ALOX5AP: variants seen among roughly 807,000 people sequenced by gnomAD.
The protein encoded by ALOX5AP is arachidonate 5-lipoxygenase activating protein.
Under a neutral mutation model 18.5 loss-of-function variants are expected in ALOX5AP, and 9 were observed. The observed-to-expected ratio is 0.49, with a 90% CI of 0.29 to 0.85. ALOX5AP has a LOEUF of 0.85. Among genes scored for constraint, ALOX5AP ranks in the 40% least tolerant of loss-of-function variants. ALOX5AP has a pLI of 0.08. For missense variants in ALOX5AP, 172 were observed against 202.5 expected (o/e 0.85, Z 0.91); for synonymous variants, 81 against 78.6 (o/e 1.03, Z -0.16).
intron 1 of ALOX5AP, among the ~76,000 whole-genome samples, chr13:30,726,686 A>G (rs945899113): frequency 1.3e-5 from 2 of 152,134 alleles, no homozygotes; most frequent in Non-Finnish European, 2.9e-5. Context: ...TGCATATATT[A>G]ACCAGTTTAT....
At chr13:30,739,197 T>C (rs1488421815) in intron 1 of ALOX5AP, among the ~76,000 whole-genome samples, 1 of 152,196 alleles carries the variant, frequency 6.6e-6, no homozygotes, top group African/African-American at 2.4e-5. Flanking sequence ...AAGCTTGCGT[T>C]GTGTGAAGAA....
intron 2 of ALOX5AP, among the ~76,000 whole-genome samples, chr13:30,749,577 TG>T (rs1463556805): frequency 6.6e-6 from 1 of 152,220 alleles, no homozygotes; most frequent in African/African-American, 2.4e-5. Context: ...AATTGTTACT[TG>T]GGGACCTGTT....
At chr13:30,724,224 C>G (rs1951619015) in intron 1 of ALOX5AP, among the ~76,000 whole-genome samples, 1 of 152,182 alleles carries the variant, frequency 6.6e-6, no homozygotes. Context: ...TCTTCTTCTG[C>G]TCAGTGTAAT....
intron 1 of ALOX5AP, among the ~76,000 whole-genome samples, chr13:30,727,171 A>T (rs548756817): frequency 2.0e-5 from 3 of 151,852 alleles, no homozygotes; most frequent in South Asian, 4.1e-4. Context: ...CTCCAGCCTC[A>T]GCCTCCAGAG....
intron 1 of ALOX5AP, among the ~76,000 whole-genome samples, chr13:30,736,505 A>AG (rs1951723038): frequency 6.6e-6 from 1 of 152,230 alleles, no homozygotes; most frequent in African/African-American, 2.4e-5. Flanking sequence ...ATTAAGATAG[A>AG]GAAAAAAAGA....
intron 1 of ALOX5AP, among the ~76,000 whole-genome samples, chr13:30,714,234 C>T (rs2137780663): frequency 6.8e-6 from 1 of 146,864 alleles, no homozygotes; most frequent in East Asian, 2.0e-4. Flanking sequence ...AAGGCCTGAG[C>T]TGAGTGCTCA....
At position 30,752,250 on chromosome 13, in the gene ALOX5AP, T is replaced by C. The variant is rs571778895; in HGVS notation, c.241+128T>C. The stretch of plus-strand genomic sequence containing the variant: ...TCCCATCTGTGAAGCCCTGGAGAGG[T>C]GAGAGCCCTCGGGAGGCCGTGTTTC... On this transcript the variant is annotated intron_variant, in intron 3 of 4. Coordinates refer to ENST00000380490, the MANE Select transcript of ALOX5AP (RefSeq NM_001629.4). 79 of 934,212 alleles carry C rather than the reference T, an allele frequency of 8.5e-5. No individual in the cohort carries two copies. The African/African-American group carries it at 1.1e-3, about 14-fold the overall frequency. 57.9% of individuals were successfully genotyped at this position (934,212 alleles called of 1,614,324 possible). A position where few individuals can be genotyped will look rare whatever the true frequency, so the allele number is the denominator to read the frequency against.
At chr13:30,761,576 C>T (rs568502804) in intron 4 of ALOX5AP, among the ~76,000 whole-genome samples, 1 of 152,318 alleles carries the variant, frequency 6.6e-6, no homozygotes, top group African/African-American at 2.4e-5. Flanking sequence ...GGACTCTGTA[C>T]TCATCTGCTG....
chr13:30,720,092 C>T (rs1226229911), intron 1 of ALOX5AP, among the ~76,000 whole-genome samples: 1 of 152,170 alleles, frequency 6.6e-6, no homozygotes, highest in Non-Finnish European at 1.5e-5. Flanking sequence ...GATCTCTTGA[C>T]CTCATGATCC....
chr13:30,719,359 CCTCT>C (rs1279541018), intron 1 of ALOX5AP, among the ~76,000 whole-genome samples: 1 of 152,186 alleles, frequency 6.6e-6, no homozygotes, highest in Admixed American at 6.5e-5. Flanking sequence ...CAGGGCGTGA[CCTCT>C]CTCTGTCTCA....
At chr13:30,734,013 A>G (rs182031240), upstream of ALOX5AP, among the ~76,000 whole-genome samples, 175 of 152,274 alleles carry the variant, frequency 1.1e-3, 1 homozygote, top group Admixed American at 0.011. Context: ...AGCTTTTCTG[A>G]GTCTCCAGCT....
intron 2 of ALOX5AP, among the ~76,000 whole-genome samples, chr13:30,744,646 C>A (rs1354886770): frequency 6.6e-6 from 1 of 152,168 alleles, no homozygotes; most frequent in Non-Finnish European, 1.5e-5. Context: ...GCAACTAGAA[C>A]AAGAACAGAA....
At chr13:30,758,430 A>G (rs543087776) in intron 4 of ALOX5AP, among the ~76,000 whole-genome samples, 1 of 152,214 alleles carries the variant, frequency 6.6e-6, no homozygotes, top group South Asian at 2.1e-4. Context: ...CTTCCCCCGG[A>G]ATTTCTCTCT....
intron 2 of ALOX5AP, among the ~76,000 whole-genome samples, chr13:30,748,220 T>G (rs1367173460): frequency 6.6e-6 from 1 of 152,204 alleles, no homozygotes; most frequent in African/African-American, 2.4e-5. Flanking sequence ...GTGCCTGGCC[T>G]AGACTCACTT....
upstream of ALOX5AP, among the ~76,000 whole-genome samples, chr13:30,732,854 A>AAG (rs1951692186): frequency 6.6e-6 from 1 of 151,916 alleles, no homozygotes; most frequent in South Asian, 2.1e-4. Context: ...AAAGGGACAG[A>AAG]AGAGAGAGAA....
At chr13:30,716,674 T>C (rs1320015338) in intron 1 of ALOX5AP, among the ~76,000 whole-genome samples, 1 of 152,116 alleles carries the variant, frequency 6.6e-6, no homozygotes, top group Non-Finnish European at 1.5e-5. Flanking sequence ...CAACTGGAAG[T>C]GGGAGGGGAC....
At chr13:30,715,220 C>A (rs543264321) in intron 1 of ALOX5AP, among the ~76,000 whole-genome samples, 1 of 152,294 alleles carries the variant, frequency 6.6e-6, no homozygotes, top group Admixed American at 6.5e-5. Flanking sequence ...GCTCTCCAAG[C>A]TTCACTTCCT....
chr13:30,755,867 G>T, intron 3 of ALOX5AP, 77 bp from the exon 4 acceptor site: 1 of 1,407,808 alleles, frequency 7.1e-7, no homozygotes. Flanking sequence ...TGTGACCAAT[G>T]TTGATTGCCT....
At chr13:30,752,511 C>T (rs1219485288) in intron 3 of ALOX5AP, among the ~76,000 whole-genome samples, 1 of 152,218 alleles carries the variant, frequency 6.6e-6, no homozygotes, top group African/African-American at 2.4e-5. Context: ...AGTGTGGTGG[C>T]CCTCCTTCAG....
Sources: allele counts gnomAD v4.1 joint callset (sites outside exome capture counted in the v4.1 genomes callset), GRCh38; gene constraint gnomAD v4.1.1; transcripts MANE v1.5; gene names NCBI Gene and HGNC (gene_info 2026-07-23, HGNC 2026-07-21).